URGCP: variants seen among roughly 807,000 people sequenced by gnomAD.
URGCP encodes the protein up-regulator of cell proliferation.
Under a neutral mutation model 24.6 loss-of-function variants are expected in URGCP, and 13 were observed. That is an observed-to-expected ratio of 0.53 (90% CI 0.34 to 0.84). URGCP has a LOEUF of 0.84. URGCP is among the 40% of genes least tolerant of loss of function. The pLI, the probability that URGCP is intolerant of heterozygous loss-of-function variation, is 0.01. For synonymous variants in URGCP, 444 were observed against 487.2 expected (o/e 0.91, Z 1.17); for missense variants, 899 against 1,194.3 (o/e 0.75, Z 3.64).
chr7:43,883,362 ATT>A (rs34217938), intron 3 of URGCP, among the ~76,000 whole-genome samples: 1,778 of 88,062 alleles, frequency 0.02, 9 homozygotes, highest in Non-Finnish European at 0.027. Context: ...ATATATATAT[ATT>A]TTTTTTTTTT....
chr7:43,913,232 G>A (rs557116757), intron 1 of URGCP, among the ~76,000 whole-genome samples: 20 of 151,870 alleles, frequency 1.3e-4, no homozygotes, highest in Admixed American at 3.9e-4. Flanking sequence ...TTTTTGAGAC[G>A]GAGTCTCGCT....
rs1162240225 is a variant in URGCP, at chr7:43,897,349, C to G, written c.14+9213G>C. Among the ~76,000 whole-genome samples the G allele has an allele frequency of 2.6e-5, 4 of 152,292 alleles. No individual in the cohort carries two copies. The East Asian group carries it at 5.8e-4, about 22-fold the overall frequency. ...CAGAGCAGGTTGGCTGGAGAAAGGGCCGTGTTAGTACTGGTTTGGAAGGAG... is the reference window on the plus strand; with the variant it reads ...CAGAGCAGGTTGGCTGGAGAAAGGGGCGTGTTAGTACTGGTTTGGAAGGAG... On this transcript the variant is annotated intron_variant, in intron 1 of 5. Coordinates refer to ENST00000453200, the MANE Select transcript of URGCP (RefSeq NM_001077663.3).
At chr7:43,886,226 G>A (rs756482795) in intron 3 of URGCP, among the ~76,000 whole-genome samples, 9 of 152,176 alleles carry the variant, frequency 5.9e-5, no homozygotes, top group Non-Finnish European at 1.2e-4. Flanking sequence ...GGGTTCAAGC[G>A]AACCTCTTGC....
chr7:43,900,720 G>C (rs879484708), intron 1 of URGCP, among the ~76,000 whole-genome samples: 2 of 152,094 alleles, frequency 1.3e-5, no homozygotes, highest in Non-Finnish European at 2.9e-5. Flanking sequence ...CAAAGTGCTG[G>C]GATTACAGGC....
intron 1 of URGCP, among the ~76,000 whole-genome samples, chr7:43,898,631 G>T (rs78329598): frequency 6.6e-6 from 1 of 151,860 alleles, no homozygotes; most frequent in Non-Finnish European, 1.5e-5. Context: ...CTGGGTCCAG[G>T]AGCATGTGCC....
intron 3 of URGCP, among the ~76,000 whole-genome samples, chr7:43,884,046 G>C (rs539881625): frequency 6.6e-6 from 1 of 152,326 alleles, no homozygotes; most frequent in Non-Finnish European, 1.5e-5. Context: ...GGGTGGTTCT[G>C]AGAGTAGTTT....
At chr7:43,920,094 G>A in intron 1 of URGCP, 1 of 1,114,440 alleles carries the variant, frequency 9.0e-7, no homozygotes, top group African/African-American at 1.5e-5. Flanking sequence ...CTGCCTTACT[G>A]GTTGACCAAG....
rs993239790 is a variant in URGCP, at chr7:43,881,253, A to G, written c.202+406T>C. ...TGTGGCCCTTGGCAGGTTGTTTGGA[A>G]GCTCTGGGCCCAGTATCCTGATCTG... On this transcript the variant is annotated intron_variant, in intron 5 of 5. Transcript: ENST00000453200. The G allele has an allele frequency of 3.0e-5, 21 of 702,740 alleles. No homozygotes were observed. The African/African-American group carries it at 3.5e-4, about 12-fold the overall frequency. The allele number at this position is 702,740 out of a possible 1,614,324, so 43.5% of individuals were successfully genotyped here.
intron 3 of URGCP, among the ~76,000 whole-genome samples, chr7:43,887,189 G>C (rs1186144037): frequency 6.6e-6 from 1 of 152,040 alleles, no homozygotes; most frequent in Non-Finnish European, 1.5e-5. Flanking sequence ...ATAAAGTGTT[G>C]CCCATAAAAA....
At chr7:43,911,727 T>C (rs2095910379) in intron 1 of URGCP, among the ~76,000 whole-genome samples, 1 of 152,106 alleles carries the variant, frequency 6.6e-6, no homozygotes. Flanking sequence ...AACAGACATA[T>C]GCACAGCACT....
chr7:43,883,362 A>ATATTT (rs1554289259), intron 3 of URGCP, among the ~76,000 whole-genome samples: 60 of 88,282 alleles, frequency 6.8e-4, no homozygotes, highest in Non-Finnish European at 8.1e-4. Flanking sequence ...ATATATATAT[A>ATATTT]TTTTTTTTTT....
At position 43,876,257 on chromosome 7, in the gene URGCP, T is replaced by A. The variant is rs2095844100; in HGVS notation, c.*410A>T. On this transcript the variant is annotated 3_prime_UTR_variant, in exon 6 of 6. Coordinates refer to ENST00000453200, the MANE Select transcript of URGCP (RefSeq NM_001077663.3). The stretch of plus-strand genomic sequence containing the variant: ...TGGGTTGGGCGGGAGCAAGGCCTAC[T>A]TCTGCTTCCTCAGGACAACTTCCCC... 5.4e-6 allele frequency: 1 copy of A among 184,432 alleles called. No homozygotes were observed. The allele number at this position is 184,432 out of a possible 1,614,324, so 11.4% of individuals were successfully genotyped here.
chr7:43,882,012 T>C (rs189608478), intron 3 of URGCP, 55 bp from the exon 4 acceptor site: 168 of 1,611,740 alleles, frequency 1.0e-4, no homozygotes, highest in Admixed American at 1.7e-4. Context: ...TTAGAACCTT[T>C]CTGTCAAAAA....
Position 43,876,185 on chromosome 7 carries a change from C to A in URGCP, c.*482G>T, listed in dbSNP as rs1280467191. The A allele has an allele frequency of 6.0e-6, 1 of 165,522 alleles. No homozygotes were observed. The highest frequency in any genetic ancestry group is 1.3e-5 in the Non-Finnish European group (1 of 76,332). 10.3% of individuals were successfully genotyped at this position (165,522 alleles called of 1,614,324 possible). ...AATACGGTGCCATGGGAGTGCCTTG[C>A]ACACCACGGGCACTCACATCTTGAA... On this transcript the variant is annotated 3_prime_UTR_variant, in exon 6 of 6. Coordinates refer to ENST00000453200, the MANE Select transcript of URGCP (RefSeq NM_001077663.3).
At chr7:43,897,527 A>G (rs2095880938) in intron 1 of URGCP, among the ~76,000 whole-genome samples, 1 of 152,198 alleles carries the variant, frequency 6.6e-6, no homozygotes, top group Non-Finnish European at 1.5e-5. Context: ...GAGAAGCTAG[A>G]GACGACTGAA....
intron 1 of URGCP, among the ~76,000 whole-genome samples, chr7:43,925,798 C>CTTTTTTTTTT (rs60736722): frequency 0.018 from 2,123 of 116,458 alleles, 101 homozygotes; most frequent in Non-Finnish European, 0.028. Context: ...CCTCGTCTGG[C>CTTTTTTTTTT]TTTTTTTTTT....
intron 1 of URGCP, among the ~76,000 whole-genome samples, chr7:43,922,977 CTCTTACTTTCTT>C (rs1267597222): frequency 1.3e-5 from 2 of 150,746 alleles, no homozygotes; most frequent in South Asian, 2.1e-4. Context: ...CTCTCTCTCT[CTCTTACTTTCTT>C]TCTTTCTTTT....
intron 1 of URGCP, among the ~76,000 whole-genome samples, chr7:43,892,093 T>C (rs1262282118): frequency 6.6e-6 from 1 of 152,122 alleles, no homozygotes; most frequent in Non-Finnish European, 1.5e-5. Context: ...ATTTTTTGTA[T>C]TTTTTATAGA....
intron 1 of URGCP, among the ~76,000 whole-genome samples, chr7:43,901,595 TCTCCCAA>T (rs2095890762): frequency 6.6e-6 from 1 of 152,170 alleles, no homozygotes; most frequent in African/African-American, 2.4e-5. Flanking sequence ...CTGCTGGACT[TCTCCCAA>T]GAGCAAAGAT....
Sources: allele counts gnomAD v4.1 joint callset (sites outside exome capture counted in the v4.1 genomes callset), GRCh38; gene constraint gnomAD v4.1.1; transcripts MANE v1.5; gene names NCBI Gene and HGNC (gene_info 2026-07-23, HGNC 2026-07-21).